Variants in KIAA1671 observed in about 807,000 individuals in gnomAD.
KIAA1671 encodes the protein KIAA1671.
A neutral mutation model predicts 131.2 loss-of-function variants in KIAA1671; 52 were observed. That is an observed-to-expected ratio of 0.40 (90% CI 0.32 to 0.50). The LOEUF is 0.50. Ranked by LOEUF, KIAA1671 falls within the 20% of genes least tolerant of loss-of-function variation. The pLI, the probability that KIAA1671 is intolerant of heterozygous loss-of-function variation, is 0.73. For synonymous variants in KIAA1671, 1,003 were observed against 961.6 expected (o/e 1.04, Z -0.80); for missense variants, 2,360 against 2,364.2 (o/e 1.00, Z 0.04).
intron 6 of KIAA1671, among the ~76,000 whole-genome samples, chr22:25,161,229 G>A (rs9608372): frequency 0.11 from 16,130 of 152,182 alleles, 930 homozygotes; most frequent in East Asian, 0.16. Flanking sequence ...AAAAAACAGC[G>A]ACCCCCTTGG....
intron 6 of KIAA1671, among the ~76,000 whole-genome samples, chr22:25,083,839 C>T (rs1384408063): frequency 1.3e-5 from 2 of 152,256 alleles, no homozygotes; most frequent in African/African-American, 4.8e-5. Flanking sequence ...GCTGCCCCAG[C>T]TTGCCTGGGC....
chr22:25,150,184 C>T (rs1321053245), intron 6 of KIAA1671, among the ~76,000 whole-genome samples: 2 of 152,218 alleles, frequency 1.3e-5, no homozygotes, highest in Non-Finnish European at 2.9e-5. Flanking sequence ...AGTCCTCGAT[C>T]CCGTGGTTTG....
intron 3 of KIAA1671, 125 bp downstream of exon 3, chr22:25,029,665 T>A: frequency 1.4e-6 from 1 of 695,708 alleles, no homozygotes; most frequent in Non-Finnish European, 2.3e-6. Flanking sequence ...CAAGAGGAGG[T>A]AGTGGCAGTG....
intron 6 of KIAA1671, among the ~76,000 whole-genome samples, chr22:25,158,908 C>A (rs903695480): frequency 3.3e-5 from 5 of 152,200 alleles, no homozygotes; most frequent in Non-Finnish European, 7.3e-5. Flanking sequence ...TTAACAGTAT[C>A]TATTATGGGA....
intron 6 of KIAA1671, among the ~76,000 whole-genome samples, chr22:25,093,316 C>T (rs1266041294): frequency 6.6e-6 from 1 of 152,104 alleles, no homozygotes; most frequent in African/African-American, 2.4e-5. Flanking sequence ...GCTCAGATTT[C>T]TCATCTTTCA....
chr22:25,030,433 G>C (rs1926221356), intron 3 of KIAA1671, among the ~76,000 whole-genome samples: 1 of 152,008 alleles, frequency 6.6e-6, no homozygotes, highest in African/African-American at 2.4e-5. Flanking sequence ...TACTCAGGAG[G>C]CTGAGGCAGG....
chr22:25,041,520 C>T lies in KIAA1671; in HGVS notation c.4390C>T (p.His1464Tyr). The change falls in exon 5 of 13, where the codon CAC becomes TAC. Residue 1464 changes from histidine (H) to tyrosine (Y), a missense_variant. Coordinates refer to ENST00000358431, the MANE Select transcript of KIAA1671 (RefSeq NM_001145206.2). Reference protein sequence around the residue: ...CWWESGTGDSHKVLPRDLEKE... With the variant: ...CWWESGTGDSYKVLPRDLEKE... Reference sequence around the variant, plus strand: ...GTGGGAGTCAGGGACTGGAGACAGTCACAAGGTAAGTACCGAGACACTTTT... The same window carrying T: ...GTGGGAGTCAGGGACTGGAGACAGTTACAAGGTAAGTACCGAGACACTTTT... 1 of 1,539,280 alleles carries T rather than the reference C, an allele frequency of 6.5e-7. No individual in the cohort carries two copies. Among genetic ancestry groups the T allele is most frequent in the Non-Finnish European group, 8.8e-7 (1 of 1,142,438 alleles).
intron 6 of KIAA1671, chr22:25,059,572 A>G (rs1029480999): frequency 6.6e-6 from 1 of 152,368 alleles, no homozygotes; most frequent in Non-Finnish European, 1.5e-5. Flanking sequence ...CAGATGCACA[A>G]CAAACTAACC....
intron 6 of KIAA1671, among the ~76,000 whole-genome samples, chr22:25,104,396 C>T (rs969781212): frequency 4.6e-5 from 7 of 152,066 alleles, no homozygotes; most frequent in African/African-American, 1.7e-4. Flanking sequence ...GGACCTCCTG[C>T]GGGAGATCTG....
At chr22:25,067,560 C>T (rs1426347330) in intron 6 of KIAA1671, among the ~76,000 whole-genome samples, 1 of 152,070 alleles carries the variant, frequency 6.6e-6, no homozygotes, top group African/African-American at 2.4e-5. Flanking sequence ...CCTTCCCTCC[C>T]TGTCTCATGC....
At chr22:25,044,860 G>A (rs1927137345) in intron 5 of KIAA1671, among the ~76,000 whole-genome samples, 1 of 152,100 alleles carries the variant, frequency 6.6e-6, no homozygotes, top group South Asian at 2.1e-4. Flanking sequence ...GCGAATGCTT[G>A]CGTAAAATGT....
chr22:25,066,758 G>A (rs777143946), intron 6 of KIAA1671, among the ~76,000 whole-genome samples: 4 of 152,010 alleles, frequency 2.6e-5, no homozygotes, highest in African/African-American at 9.7e-5. Flanking sequence ...ACTTTCGACA[G>A]CATGGGCAAA....
intron 6 of KIAA1671, among the ~76,000 whole-genome samples, chr22:25,159,605 G>A (rs899986890): frequency 3.3e-5 from 5 of 152,126 alleles, no homozygotes; most frequent in African/African-American, 1.2e-4. Flanking sequence ...GTTTGGCACC[G>A]ACCACATGCC....
Position 25,109,023 on chromosome 22 carries a change from C to T in KIAA1671, c.4530+59659C>T, listed in dbSNP as rs544609073. Reference sequence around the variant, plus strand: ...CTGCTTGAGCATCCTCACAACATGGCGGCTGGCTTTCCCCAGTATGACCTC... The same window carrying T: ...CTGCTTGAGCATCCTCACAACATGGTGGCTGGCTTTCCCCAGTATGACCTC... On this transcript the variant is annotated intron_variant, in intron 6 of 12. Transcript: ENST00000358431. 5.9e-5 allele frequency among the ~76,000 whole-genome samples: 9 copies of T among 152,184 alleles called. No homozygotes were observed. In the South Asian group the frequency reaches 1.2e-3, roughly 21 times the overall value.
At chr22:25,093,880 CTCTCT>C (rs1930270462) in intron 6 of KIAA1671, among the ~76,000 whole-genome samples, 3 of 122,104 alleles carry the variant, frequency 2.5e-5, no homozygotes, top group Admixed American at 2.4e-4. Context: ...CTCTCTCTCT[CTCTCT>C]CCCTTCTGCT....
chr22:25,155,430 T>C (rs114512003), intron 6 of KIAA1671, among the ~76,000 whole-genome samples: 9 of 151,850 alleles, frequency 5.9e-5, no homozygotes, highest in Non-Finnish European at 1.5e-5. Context: ...TATGTGTGTG[T>C]GGGGGGGTTT....
intron 3 of KIAA1671, among the ~76,000 whole-genome samples, chr22:25,030,408 G>A (rs937874715): frequency 1.3e-3 from 200 of 152,022 alleles, no homozygotes; most frequent in Admixed American, 4.5e-3. Context: ...GGTGGCAGGC[G>A]CCTGTAGTCC....
At chr22:25,019,894 C>T (rs1925569685) in intron 1 of KIAA1671, among the ~76,000 whole-genome samples, 1 of 152,158 alleles carries the variant, frequency 6.6e-6, no homozygotes, top group East Asian at 1.9e-4. Flanking sequence ...GCTCTTCCTA[C>T]TGACAGGTTG....
intron 6 of KIAA1671, among the ~76,000 whole-genome samples, chr22:25,100,937 G>A (rs1011292342): frequency 1.1e-4 from 16 of 152,086 alleles, no homozygotes; most frequent in African/African-American, 3.4e-4. Flanking sequence ...TTATAATCTC[G>A]GAGTGTTGCT....
Sources: allele counts gnomAD v4.1 joint callset (sites outside exome capture counted in the v4.1 genomes callset), GRCh38; gene constraint gnomAD v4.1.1; transcripts MANE v1.5; gene names NCBI Gene and HGNC (gene_info 2026-07-23, HGNC 2026-07-21).